Variants in CGB2 observed in about 807,000 individuals in gnomAD.
CGB2 encodes the protein choriogonadotropin subunit beta variant 2.
A neutral mutation model predicts 7.1 loss-of-function variants in CGB2; 4 were observed. That is an observed-to-expected ratio of 0.57 (90% confidence interval 0.28 to 1.29). CGB2 has a LOEUF of 1.29. Among genes scored for constraint, CGB2 ranks in the 50% most tolerant of loss-of-function variants. The probability of loss-of-function intolerance (pLI) is 0.10; values close to 1 mark genes in which losing one functional copy is unlikely to be tolerated. For missense variants in CGB2, 88 were observed against 224.0 expected, an observed-to-expected ratio of 0.39 and a Z score of 3.88; for synonymous variants, 51 against 100.3, an observed-to-expected ratio of 0.51 and a Z score of 2.94.
intron 1 of CGB2, 187 bp from the exon 2 acceptor site, chr19:49,032,317 T>C: frequency 6.4e-7 from 1 of 1,574,778 alleles, no homozygotes; most frequent in Non-Finnish European, 8.6e-7. Flanking sequence ...TCTAAAATGT[T>C]GGGGTATCTG....
intron 1 of CGB2, 150 bp from the exon 2 acceptor site, chr19:49,032,354 C>A: frequency 6.3e-7 from 1 of 1,585,696 alleles, no homozygotes; most frequent in South Asian, 1.1e-5. Flanking sequence ...GGGGTGGGCT[C>A]TGAAAGGCAG....
chr19:49,032,298 G>C lies in CGB2; in HGVS notation c.9+194G>C, dbSNP rs1248880927. On this transcript the variant is annotated intron_variant, in intron 1 of 2. Coordinates refer to ENST00000359342, the MANE Select transcript of CGB2 (RefSeq NM_033378.2). ...AAGCTTCAGGTGGGGCAGTTCCTGAGGGTGGGGATCTAAAATGTTGGGGTA... is the reference window on the plus strand; with the variant it reads ...AAGCTTCAGGTGGGGCAGTTCCTGACGGTGGGGATCTAAAATGTTGGGGTA... 5 of 1,583,318 alleles carry C rather than the reference G, an allele frequency of 3.2e-6. No homozygotes were observed. The African/African-American group carries it at 6.7e-5, about 21-fold the overall frequency.
intron 1 of CGB2, 92 bp from the exon 2 acceptor site, chr19:49,032,412 G>A (rs533274298): frequency 3.8e-6 from 6 of 1,597,378 alleles, no homozygotes; most frequent in Middle Eastern, 4.5e-4. Flanking sequence ...AAGGGTCTCT[G>A]GGTCTTTGTG....
rs1568657731 is a variant in CGB2, at chr19:49,033,230, C to T, written c.*9C>T. The T allele has an allele frequency of 1.2e-6, 2 of 1,611,686 alleles. No individual in the cohort carries two copies. Among genetic ancestry groups the T allele is most frequent in the Admixed American group, 3.3e-5 (2 of 59,978 alleles). On this transcript the variant is annotated 3_prime_UTR_variant, in exon 3 of 3. Transcript: ENST00000359342. ...CGATCCTCCCACAATAAAGGCTTCT[C>T]AATCCGCACTCTGGCGGTGTCTTTC...
At position 49,031,936 on chromosome 19, in the gene CGB2, T is replaced by A; in HGVS notation, c.-160T>A. 1.1e-6 allele frequency: 1 copy of A among 928,058 alleles called. No individual in the cohort carries two copies. The highest frequency in any genetic ancestry group is 1.7e-6 in the Non-Finnish European group (1 of 585,654). 57.5% of individuals were successfully genotyped at this position (928,058 alleles called of 1,614,324 possible). On this transcript the variant is annotated 5_prime_UTR_variant, in exon 1 of 3. Coordinates refer to ENST00000359342, the MANE Select transcript of CGB2 (RefSeq NM_033378.2). ...CCTGGAGGGAGGAAGGGGAACTGTA[T>A]CTGAGAGAGAGCAGCCAATTGGGTC...
rs777107163 is a variant in CGB2, at chr19:49,032,530, C to G, written c.36C>G (p.Ser12Arg). 1 of 1,579,664 alleles carries G rather than the reference C, an allele frequency of 6.3e-7. No individual in the cohort carries two copies. The highest frequency in any genetic ancestry group is 1.1e-5 in the South Asian group (1 of 89,682). The change falls in exon 2 of 3, where the codon AGC becomes AGG. Residue 12 changes from serine to arginine, a missense_variant. By Grantham distance (110) the Ser-to-Arg change is moderately radical (BLOSUM62 -1). Around this residue, in one of 2 missense-constraint regions of CGB2, gnomAD observed 59 missense variants for 193.3 expected, o/e 0.31. Coordinates refer to ENST00000359342, the MANE Select transcript of CGB2 (RefSeq NM_033378.2). ...SKGLLLLLLL[S>R]MGGTWASKEP... Reference sequence around the variant, plus strand: ...GGCTGCTGCTGTTGCTGCTGCTGAGCATGGGCGGGACATGGGCATCCAAGG... The same window carrying G: ...GGCTGCTGCTGTTGCTGCTGCTGAGGATGGGCGGGACATGGGCATCCAAGG...
rs375800569 is a variant in CGB2 at position 49,031,972 on chromosome 19, G to A, written c.-124G>A. ...GCAGCCAATTGGGTCCGCTGACTCC[G>A]GCCGGGTTCCCGTGCCGCGTCCAAC... On this transcript the variant is annotated 5_prime_UTR_variant, in exon 1 of 3. Transcript: ENST00000359342. 38 of 1,388,962 alleles carry A rather than the reference G, an allele frequency of 2.7e-5. 1 individual carries two copies. Among genetic ancestry groups the A allele is most frequent in the East Asian group, 1.4e-4 (6 of 43,412 alleles). 86.0% of individuals were successfully genotyped at this position (1,388,962 alleles called of 1,614,324 possible). A position where few individuals can be genotyped will look rare whatever the true frequency, so the allele number is the denominator to read the frequency against.
In CGB2 at chr19:49,032,486, G is replaced by A. The variant is rs1355242385; in HGVS notation, c.10-18G>A. 6.4e-7 allele frequency: 1 copy of A among 1,570,554 alleles called. No homozygotes were observed. The highest frequency in any genetic ancestry group is 1.1e-5 in the South Asian group (1 of 87,792). On this transcript the variant is annotated intron_variant, in intron 1 of 2. Transcript: ENST00000359342. ...GGCTGCGGTCTCAGACCCGGGTGAA[G>A]CAGTGTCCTTGTCCCAGGGGCTGCT...
intron 1 of CGB2, 161 bp from the exon 2 acceptor site, chr19:49,032,343 T>G: frequency 6.3e-7 from 1 of 1,580,952 alleles, no homozygotes; most frequent in East Asian, 2.3e-5. Flanking sequence ...CTCTGGGCTG[T>G]GGGGTGGGCT....
rs1227501415 is a variant in CGB2, at chr19:49,031,906, C to G, written c.-190C>G. The G allele has an allele frequency of 2.8e-6, 2 of 712,826 alleles. No homozygotes were observed. The highest frequency in any genetic ancestry group is 4.8e-6 in the Non-Finnish European group (2 of 417,484). The allele number at this position is 712,826 out of a possible 1,614,324, so 44.2% of individuals were successfully genotyped here. On this transcript the variant is annotated 5_prime_UTR_variant, in exon 1 of 3. Transcript: ENST00000359342. ...CCAGTGAGGGCCCTGCGTTCCGTGG[C>G]GCCCCCTGGAGGGAGGAAGGGGAAC...
In CGB2 at chr19:49,032,054, C is replaced by A; in HGVS notation, c.-42C>A. 1 of 1,613,468 alleles carries A rather than the reference C, an allele frequency of 6.2e-7. No homozygotes were observed. The highest frequency in any genetic ancestry group is 8.5e-7 in the Non-Finnish European group (1 of 1,179,380). On this transcript the variant is annotated 5_prime_UTR_variant, in exon 1 of 3. Transcript: ENST00000359342. ...AGACTCAATTTACTTTCCATGTCCA[C>A]ATCCCCAGTGCTTGCGGAAGATATC...
At chr19:49,032,388 T>C in intron 1 of CGB2, 116 bp from the exon 2 acceptor site, 2 of 1,600,118 alleles carry the variant, frequency 1.2e-6, no homozygotes, top group South Asian at 1.1e-5. Context: ...GGGTCCTGAA[T>C]AGGAGATGCC....
In CGB2 at chr19:49,032,584, C is replaced by G; in HGVS notation, c.90C>G (p.Ile30Met). Residue 30 changes from isoleucine to methionine, a missense_variant, in exon 2 of 3, where the codon ATC becomes ATG. By Grantham distance (10) the Ile-to-Met change is conservative. This residue lies in a region of CGB2 where 59 missense variants were observed against 193.3 expected (regional missense o/e 0.31). Coordinates refer to ENST00000359342, the MANE Select transcript of CGB2 (RefSeq NM_033378.2). ...CGCTTCGGCCACGGTGCCGCCCCAT[C>G]AATGCCACCCTGGCTGTGGAGAAGG... ...KEPLRPRCRP[I>M]NATLAVEKEG... 2.6e-6 allele frequency: 4 copies of G among 1,512,788 alleles called. No homozygotes were observed. Among genetic ancestry groups the G allele is most frequent in the Non-Finnish European group, 3.5e-6 (4 of 1,131,266 alleles). The allele number at this position is 1,512,788 out of a possible 1,614,324, so 93.7% of individuals were successfully genotyped here. A position where few individuals can be genotyped will look rare whatever the true frequency, so the allele number is the denominator to read the frequency against.
At chr19:49,032,343 T>A in intron 1 of CGB2, 161 bp from the exon 2 acceptor site, 1 of 1,580,952 alleles carries the variant, frequency 6.3e-7, no homozygotes, top group Non-Finnish European at 8.6e-7. Context: ...CTCTGGGCTG[T>A]GGGGTGGGCT....
rs1045561954 is a variant in CGB2, at chr19:49,032,187, C to T, written c.9+83C>T. ...AGGGCCCCTGGGCACCTTCCACCTGCTTCCAGGCCATCACTGGCATGAGAA... is the reference window on the plus strand; with the variant it reads ...AGGGCCCCTGGGCACCTTCCACCTGTTTCCAGGCCATCACTGGCATGAGAA... On this transcript the variant is annotated intron_variant, in intron 1 of 2. Coordinates refer to ENST00000359342, the MANE Select transcript of CGB2 (RefSeq NM_033378.2). 29 of 1,613,922 alleles carry T rather than the reference C, an allele frequency of 1.8e-5. No individual in the cohort carries two copies. The African/African-American group carries it at 2.8e-4, about 16-fold the overall frequency.
In CGB2 at chr19:49,032,089, G is replaced by A. The variant is rs745603008; in HGVS notation, c.-7G>A. 1 of 1,613,962 alleles carries A rather than the reference G, an allele frequency of 6.2e-7. No homozygotes were observed. The highest frequency in any genetic ancestry group is 8.5e-7 in the Non-Finnish European group (1 of 1,179,838). On this transcript the variant is annotated 5_prime_UTR_variant, in exon 1 of 3. Coordinates refer to ENST00000359342, the MANE Select transcript of CGB2 (RefSeq NM_033378.2). ...GCTTGCGGAAGATATCCCGCTAAGA[G>A]AGAGACATGTCAAAGGTAGGGTAGA... is the stretch of plus-strand genomic sequence containing the variant.
intron 1 of CGB2, 133 bp from the exon 2 acceptor site, chr19:49,032,371 G>C: frequency 6.3e-7 from 1 of 1,594,134 alleles, no homozygotes; most frequent in Non-Finnish European, 8.5e-7. Flanking sequence ...GCAGGTGTCC[G>C]GGTGGTGGGT....
rs766422899 is a variant in CGB2, at chr19:49,032,389, A to G, written c.10-115A>G. On this transcript the variant is annotated intron_variant, in intron 1 of 2. Transcript: ENST00000359342. ...GGTGTCCGGGTGGTGGGTCCTGAATAGGAGATGCCACGAAGGGTCTCTGGG... is the reference window on the plus strand; with the variant it reads ...GGTGTCCGGGTGGTGGGTCCTGAATGGGAGATGCCACGAAGGGTCTCTGGG... The G allele has an allele frequency of 4.9e-5, 79 of 1,600,062 alleles. 2 individuals carry two copies. The East Asian group carries it at 1.3e-3, about 27-fold the overall frequency.
rs539621609 is a variant in CGB2 at position 49,031,915 on chromosome 19, G to T, written c.-181G>T. 45 of 776,762 alleles carry T rather than the reference G, an allele frequency of 5.8e-5. No individual in the cohort carries two copies. The African/African-American group carries it at 6.7e-4, about 12-fold the overall frequency. The allele number at this position is 776,762 out of a possible 1,614,324, so 48.1% of individuals were successfully genotyped here. The stretch of plus-strand genomic sequence containing the variant: ...GCCCTGCGTTCCGTGGCGCCCCCTG[G>T]AGGGAGGAAGGGGAACTGTATCTGA... On this transcript the variant is annotated 5_prime_UTR_variant, in exon 1 of 3. Transcript: ENST00000359342.
Sources: allele counts gnomAD v4.1 joint callset, GRCh38; gene constraint gnomAD v4.1.1; regional missense constraint gnomAD v4.1.1; transcripts MANE v1.5; gene names NCBI Gene and HGNC (gene_info 2026-07-23, HGNC 2026-07-21).